Variants in FMNL3 observed in about 807,000 individuals in gnomAD.
FMNL3 encodes the protein formin-like protein 3.
In FMNL3, 57 loss-of-function variants were observed where a neutral mutation model predicts 119.6. The ratio of observed to expected loss-of-function variants is 0.48; its 90% CI spans 0.39 to 0.59. The LOEUF (loss-of-function observed/expected upper bound fraction) is 0.59, where lower values mean the gene tolerates loss of function less well. Ranked by LOEUF, FMNL3 falls within the 20% of genes least tolerant of loss-of-function variation. The pLI, the probability that FMNL3 is intolerant of heterozygous loss-of-function variation, is 0.00. For missense variants in FMNL3, 1,053 were observed against 1,323.5 expected (o/e 0.80, Z 3.17); for synonymous variants, 491 against 507.3 (o/e 0.97, Z 0.43).
rs1031378470 is a variant in FMNL3 at position 49,647,894 on chromosome 12, C to T, written c.2677-90G>A. ...GATGAGAGGCCTGCAGAAAGCAGAGCCCAGGGCCAAAGGGAGGAAAACCAA... is the reference window on the plus strand; with the variant it reads ...GATGAGAGGCCTGCAGAAAGCAGAGTCCAGGGCCAAAGGGAGGAAAACCAA... On this transcript the variant is annotated intron_variant, in intron 22 of 25. Transcript: ENST00000335154. The surrounding 1 kb of genome is among the most constrained non-coding windows in gnomAD (Gnocchi z 4.9). The T allele has an allele frequency of 1.4e-5, 15 of 1,102,090 alleles. No individual in the cohort carries two copies. The highest frequency in any genetic ancestry group is 1.6e-5 in the Non-Finnish European group (12 of 748,210). The allele number at this position is 1,102,090 out of a possible 1,614,324, so 68.3% of individuals were successfully genotyped here.
intron 21 of FMNL3, among the ~76,000 whole-genome samples, chr12:49,648,782 C>T (rs1943297188): frequency 6.6e-6 from 1 of 152,244 alleles, no homozygotes; most frequent in Non-Finnish European, 1.5e-5. Flanking sequence ...CGACTGCTCC[C>T]CTTCTTGTTC....
intron 1 of FMNL3, among the ~76,000 whole-genome samples, chr12:49,689,550 A>G (rs1246727680): frequency 2.0e-5 from 3 of 152,210 alleles, no homozygotes; most frequent in African/African-American, 4.8e-5. Context: ...AGCTTGGGCA[A>G]CACAGCAAGA....
At chr12:49,645,991 G>C in intron 25 of FMNL3, 88 bp from the exon 26 acceptor site, 2 of 1,176,724 alleles carry the variant, frequency 1.7e-6, no homozygotes, top group Non-Finnish European at 2.4e-6. Context: ...TAGGGCCAGG[G>C]AGGAGCCAGC....
intron 2 of FMNL3, 88 bp from the exon 3 acceptor site, chr12:49,666,295 A>G (rs1316963831): frequency 1.1e-5 from 13 of 1,178,866 alleles, no homozygotes; most frequent in East Asian, 2.4e-5. Context: ...CATAGTGTTC[A>G]GTGTGAGGGG....
Position 49,678,060 on chromosome 12 carries a change from C to CA in FMNL3, c.127-9507dup, listed in dbSNP as rs1944238441. 2.0e-5 allele frequency among the ~76,000 whole-genome samples: 3 copies of CA among 152,214 alleles called. No individual in the cohort carries two copies. The South Asian group carries it at 6.2e-4, about 32-fold the overall frequency. On this transcript the variant is annotated intron_variant, in intron 1 of 25. Coordinates refer to ENST00000335154, the MANE Select transcript of FMNL3 (RefSeq NM_175736.5). Reference sequence around the variant, plus strand: ...TGTATTTTTAGTAGAGAAGGGGTTTCACTGTGTTAGCCAGGATGGTCTCGA... The same window carrying CA: ...TGTATTTTTAGTAGAGAAGGGGTTTCAACTGTGTTAGCCAGGATGGTCTCGA...
chr12:49,700,842 G>T (rs1944890537), intron 1 of FMNL3, among the ~76,000 whole-genome samples: 1 of 151,842 alleles, frequency 6.6e-6, no homozygotes, highest in Non-Finnish European at 1.5e-5. Context: ...CACTTTGGGA[G>T]GCCGAGGTGG....
chr12:49,676,506 AT>A (rs1944190198), intron 1 of FMNL3, among the ~76,000 whole-genome samples: 1 of 145,718 alleles, frequency 6.9e-6, no homozygotes, highest in South Asian at 2.2e-4. Flanking sequence ...CACAAATTGA[AT>A]GTTTCATAGT....
chr12:49,650,891 G>T lies in FMNL3; in HGVS notation c.1798-13C>A, dbSNP rs1388264414. ...CAAGATCCAGGTCCTGGCAGGAATA[G>T]GTGAGCAAGGAAAACGCTGTAGCCT... On this transcript the variant is annotated splice_polypyrimidine_tract_variant and intron_variant, in intron 16 of 25. Transcript: ENST00000335154. 5 of 1,613,860 alleles carry T rather than the reference G, an allele frequency of 3.1e-6. No individual in the cohort carries two copies. The South Asian group carries it at 4.4e-5, about 14-fold the overall frequency.
Position 49,650,704 on chromosome 12 carries a change from C to T in FMNL3, c.1972G>A (p.Ala658Thr), listed in dbSNP as rs1943370436. ...TGAATGGCCCTGCAGATCTCCTCAGCCGAGCGGCCAGCCTTGCGTAGGGTG... is the reference window on the plus strand; with the variant it reads ...TGAATGGCCCTGCAGATCTCCTCAGTCGAGCGGCCAGCCTTGCGTAGGGTG... ...AITLRKAGRS[A>T]EEICRAIHTF... is the part of the protein sequence containing the mutation. Residue 658 changes from alanine to threonine, a missense_variant, in exon 17 of 26, where the codon GCT becomes ACT. Around this residue, in one of 4 missense-constraint regions of FMNL3, gnomAD observed 445 missense variants for 628.4 expected, o/e 0.71. Transcript: ENST00000335154. The T allele has an allele frequency of 6.2e-7, 1 of 1,613,788 alleles. No individual in the cohort carries two copies. Among genetic ancestry groups the T allele is most frequent in the Admixed American group, 1.7e-5 (1 of 60,030 alleles).
At chr12:49,690,071 A>C (rs1452591444) in intron 1 of FMNL3, among the ~76,000 whole-genome samples, 2 of 152,350 alleles carry the variant, frequency 1.3e-5, no homozygotes, top group East Asian at 3.9e-4. Flanking sequence ...TCTTCACAAA[A>C]GCATGTGATT....
At chr12:49,668,927 C>T (rs923075672) in intron 1 of FMNL3, among the ~76,000 whole-genome samples, 4 of 152,096 alleles carry the variant, frequency 2.6e-5, no homozygotes, top group Non-Finnish European at 5.9e-5. Context: ...ATACATCATA[C>T]CATAAAATGT....
chr12:49,637,746 G>A lies in FMNL3; in HGVS notation c.*8069C>T. The stretch of plus-strand genomic sequence containing the variant: ...CCCTCCTTACAGGCTCCACCCCTCT[G>A]GACTTATTCAAGTTCTATGTGGAGG... On this transcript the variant is annotated 3_prime_UTR_variant, in exon 26 of 26. Transcript: ENST00000335154. 1 of 1,604,678 alleles carries A rather than the reference G, an allele frequency of 6.2e-7. No individual in the cohort carries two copies. Among genetic ancestry groups the A allele is most frequent in the South Asian group, 1.1e-5 (1 of 90,638 alleles).
At position 49,668,466 on chromosome 12, in the gene FMNL3, C is replaced by T. The variant is rs555658680; in HGVS notation, c.210+5G>A. 1.9e-6 allele frequency: 3 copies of T among 1,613,878 alleles called. No individual in the cohort carries two copies. The highest frequency in any genetic ancestry group is 1.1e-5 in the South Asian group (1 of 91,058). ...TACCTCCCTCCTCTTTCCCAAACCC[C>T]ATACCTGGTCACAGATCAGATCCCA... On this transcript the variant is annotated splice_donor_5th_base_variant and intron_variant, in intron 2 of 25. Transcript: ENST00000335154.
At chr12:49,677,939 C>T (rs1224714379) in intron 1 of FMNL3, among the ~76,000 whole-genome samples, 15 of 151,946 alleles carry the variant, frequency 9.9e-5, no homozygotes, top group African/African-American at 2.7e-4. Context: ...CTTGGCTCTC[C>T]GCAAGCTCTG....
intron 1 of FMNL3, among the ~76,000 whole-genome samples, chr12:49,677,893 C>T (rs754430915): frequency 8.5e-5 from 13 of 152,202 alleles, no homozygotes; most frequent in Admixed American, 7.9e-4. Context: ...GATGGAGTCT[C>T]GCTCTGTTGC....
intron 1 of FMNL3, among the ~76,000 whole-genome samples, chr12:49,685,910 T>C (rs1944444668): frequency 6.6e-6 from 1 of 151,738 alleles, no homozygotes; most frequent in Admixed American, 6.6e-5. Flanking sequence ...CTACTAAAAA[T>C]ACAAAAATTA....
At chr12:49,661,903 AGT>A in intron 5 of FMNL3, 61 bp downstream of exon 5, 1 of 1,443,070 alleles carries the variant, frequency 6.9e-7, no homozygotes, top group South Asian at 1.1e-5. Context: ...TCCTTATCAA[AGT>A]AGAATGGAAC....
In FMNL3 at chr12:49,637,481, C is replaced by T. The variant is rs752835790; in HGVS notation, c.*8334G>A. Reference sequence around the variant, plus strand: ...CTCTCCCTGCTCAGACCTTCCTGGACGAGCTGCATGAGACAGGGCAGCTGC... The same window carrying T: ...CTCTCCCTGCTCAGACCTTCCTGGATGAGCTGCATGAGACAGGGCAGCTGC... On this transcript the variant is annotated 3_prime_UTR_variant, in exon 26 of 26. Coordinates refer to ENST00000335154, the MANE Select transcript of FMNL3 (RefSeq NM_175736.5). 1.5e-5 allele frequency: 25 copies of T among 1,613,016 alleles called. No individual in the cohort carries two copies. Among genetic ancestry groups the T allele is most frequent in the South Asian group, 2.2e-5 (2 of 91,086 alleles).
At position 49,651,393 on chromosome 12, in the gene FMNL3, A is replaced by G; in HGVS notation, c.1661T>C (p.Val554Ala). 4 of 1,557,926 alleles carry G rather than the reference A, an allele frequency of 2.6e-6. No homozygotes were observed. Among genetic ancestry groups the G allele is most frequent in the Non-Finnish European group, 3.5e-6 (4 of 1,144,878 alleles). Reference protein sequence around the residue: ...PGAAPSVVLTVGLSAIRIKKP... With the variant: ...PGAAPSVVLTAGLSAIRIKKP... ...CTGGGGATACTCACCTGACAGGCCC[A>G]CTGTCAACACCACAGAGGGTGCAGC... is the stretch of plus-strand genomic sequence containing the variant. Residue 554 changes from valine (V) to alanine (A), a missense_variant, in exon 15 of 26, where the codon GTG becomes GCG. This residue lies in a region of FMNL3 where 445 missense variants were observed against 628.4 expected (regional missense o/e 0.71). Coordinates refer to ENST00000335154, the MANE Select transcript of FMNL3 (RefSeq NM_175736.5).
Sources: gnomAD v4.1 joint callset for allele counts (sites outside exome capture counted in the v4.1 genomes callset) on GRCh38, gnomAD v4.1.1 for gene constraint, gnomAD v4.1.1 regional missense constraint, Gnocchi (gnomAD v3.1) non-coding constraint, MANE v1.5 for transcripts, NCBI Gene and HGNC (gene_info 2026-07-23, HGNC 2026-07-21) for gene names.